SLC9A9: variants seen among roughly 807,000 people sequenced by gnomAD.
SLC9A9 encodes the protein solute carrier family 9 member A9.
Under a neutral mutation model 77.8 loss-of-function variants are expected in SLC9A9, and 62 were observed. The observed-to-expected ratio is 0.80, with a 90% CI of 0.65 to 0.98. The LOEUF (loss-of-function observed/expected upper bound fraction) is 0.98, where lower values mean the gene tolerates loss of function less well. Among genes scored for constraint, SLC9A9 ranks in the 50% least tolerant of loss-of-function variants. The pLI is 0.00. For missense variants in SLC9A9, 775 were observed against 774.9 expected (o/e 1.00, Z 0.00); for synonymous variants, 320 against 283.5 (o/e 1.13, Z -1.29).
chr3:143,487,846 AG>A, intron 11 of SLC9A9, among the ~76,000 whole-genome samples: 1 of 151,944 alleles, frequency 6.6e-6, no homozygotes. Context: ...AACAAGAAAA[AG>A]AAAAACAAAT....
chr3:143,430,024 C>G (rs2034482705), intron 12 of SLC9A9, among the ~76,000 whole-genome samples: 3 of 152,198 alleles, frequency 2.0e-5, no homozygotes, highest in African/African-American at 7.2e-5. Flanking sequence ...GTGCCCTGCC[C>G]ATTCCAAGTT....
intron 14 of SLC9A9, among the ~76,000 whole-genome samples, chr3:143,282,779 A>T (rs1487036561): frequency 6.6e-6 from 1 of 152,206 alleles, no homozygotes; most frequent in Non-Finnish European, 1.5e-5. Context: ...CCATACATAG[A>T]TTGTCTAATA....
intron 9 of SLC9A9, among the ~76,000 whole-genome samples, chr3:143,538,089 T>C (rs537794519): frequency 6.6e-6 from 1 of 152,216 alleles, no homozygotes; most frequent in Admixed American, 6.5e-5. Flanking sequence ...GCCTAGAACA[T>C]AGGGAATATC....
intron 14 of SLC9A9, among the ~76,000 whole-genome samples, chr3:143,286,444 C>T (rs1938384338): frequency 6.6e-6 from 1 of 152,144 alleles, no homozygotes. Flanking sequence ...GTCACAGGAG[C>T]CCGATGCCAT....
chr3:143,385,155 A>G (rs2033395076), intron 12 of SLC9A9, among the ~76,000 whole-genome samples: 1 of 151,074 alleles, frequency 6.6e-6, no homozygotes, highest in South Asian at 2.1e-4. Flanking sequence ...TTTTTTTTTC[A>G]AATTATTGTA....
chr3:143,603,671 T>C (rs1279590125), intron 6 of SLC9A9, among the ~76,000 whole-genome samples: 3 of 152,184 alleles, frequency 2.0e-5, no homozygotes, highest in Non-Finnish European at 2.9e-5. Flanking sequence ...AGACCATAAC[T>C]AGAACCAGTC....
At chr3:143,652,784 C>CAA (rs2038820710) in intron 5 of SLC9A9, among the ~76,000 whole-genome samples, 2 of 132,082 alleles carry the variant, frequency 1.5e-5, no homozygotes, top group South Asian at 2.4e-4. Context: ...TAAATACACA[C>CAA]ACACACACAC....
chr3:143,276,381 C>G (rs539333185), intron 14 of SLC9A9, among the ~76,000 whole-genome samples: 1 of 152,204 alleles, frequency 6.6e-6, no homozygotes, highest in South Asian at 2.1e-4. Context: ...TTGTCTCTGC[C>G]CACTTGTAAT....
intron 4 of SLC9A9, among the ~76,000 whole-genome samples, chr3:143,790,743 T>C (rs1325981682): frequency 1.3e-5 from 2 of 152,192 alleles, no homozygotes; most frequent in African/African-American, 4.8e-5. Flanking sequence ...AGATAATACA[T>C]GTAAAAAGCA....
At chr3:143,685,301 A>G (rs887299426) in intron 5 of SLC9A9, among the ~76,000 whole-genome samples, 12 of 152,074 alleles carry the variant, frequency 7.9e-5, no homozygotes, top group South Asian at 2.1e-4. Context: ...CTTGCAGCCC[A>G]TATCAATCTG....
Position 143,601,872 on chromosome 3 carries a change from G to GC in SLC9A9, c.756-23150dup, listed in dbSNP as rs377001371. On this transcript the variant is annotated intron_variant, in intron 6 of 15. Transcript: ENST00000316549. ...ACTTTGCTACATGGCATTGTGCCAT[G>GC]CCCCCCACTGTTCCAACATCCCCCC... 3.1e-3 allele frequency among the ~76,000 whole-genome samples: 473 copies of GC among 150,284 alleles called. 2 individuals are homozygous for GC. Among genetic ancestry groups the GC allele is most frequent in the African/African-American group, 0.011 (447 of 40,736 alleles).
At chr3:143,649,767 G>A (rs559721659) in intron 6 of SLC9A9, among the ~76,000 whole-genome samples, 1 of 152,166 alleles carries the variant, frequency 6.6e-6, no homozygotes, top group South Asian at 2.1e-4. Flanking sequence ...CTTGGCCAAG[G>A]GCTATAGTCA....
At chr3:143,431,609 A>C (rs1016066666) in intron 12 of SLC9A9, among the ~76,000 whole-genome samples, 5 of 151,408 alleles carry the variant, frequency 3.3e-5, no homozygotes, top group African/African-American at 1.2e-4. Context: ...CAGCCTCCTG[A>C]GTGGCTGGAC....
chr3:143,539,382 AACGTTTTATTAAAT>A (rs1317304468), intron 9 of SLC9A9, among the ~76,000 whole-genome samples: 1 of 152,234 alleles, frequency 6.6e-6, no homozygotes, highest in Non-Finnish European at 1.5e-5. Flanking sequence ...ACAAAGACTT[AACGTTTTATTAAAT>A]ACATTTGCTG....
chr3:143,548,002 C>T (rs751025298), intron 9 of SLC9A9, among the ~76,000 whole-genome samples: 11 of 152,028 alleles, frequency 7.2e-5, no homozygotes, highest in Admixed American at 2.0e-4. Context: ...ATGGAATCAG[C>T]GATAATGAGA....
At chr3:143,538,877 T>C (rs2036638294) in intron 9 of SLC9A9, among the ~76,000 whole-genome samples, 1 of 152,222 alleles carries the variant, frequency 6.6e-6, no homozygotes, top group African/African-American at 2.4e-5. Context: ...TGTGAATTCA[T>C]ATACTTACAG....
intron 12 of SLC9A9, among the ~76,000 whole-genome samples, chr3:143,397,577 T>A (rs897756366): frequency 6.6e-6 from 1 of 152,176 alleles, no homozygotes; most frequent in Non-Finnish European, 1.5e-5. Context: ...CAGAATGATA[T>A]GATGCCAGAA....
intron 4 of SLC9A9, among the ~76,000 whole-genome samples, chr3:143,786,905 G>A (rs75452083): frequency 0.012 from 1,783 of 152,232 alleles, 38 homozygotes; most frequent in African/African-American, 0.041. Context: ...CAGCCCAGAC[G>A]TAGGCTCCAG....
chr3:143,776,153 A>C (rs1205679946), intron 4 of SLC9A9, among the ~76,000 whole-genome samples: 1 of 152,208 alleles, frequency 6.6e-6, no homozygotes, highest in Non-Finnish European at 1.5e-5. Flanking sequence ...GGCCTAATTT[A>C]TGATTGTTTT....
Sources: allele counts gnomAD v4.1 joint callset (sites outside exome capture counted in the v4.1 genomes callset), GRCh38; gene constraint gnomAD v4.1.1; transcripts MANE v1.5; gene names NCBI Gene and HGNC (gene_info 2026-07-23, HGNC 2026-07-21).